The following TGM7 variants were observed in gnomAD, a reference collection of about 807,000 sequenced individuals.
The protein encoded by TGM7 is transglutaminase 7.
A neutral mutation model predicts 79.5 loss-of-function variants in TGM7; 74 were observed. The observed-to-expected ratio is 0.93, with a 90% CI of 0.77 to 1.13. The LOEUF (loss-of-function observed/expected upper bound fraction) is 1.13, where lower values mean the gene tolerates loss of function less well. Ranked by LOEUF, TGM7 falls within the 50% of genes most tolerant of loss-of-function variation. The probability of loss-of-function intolerance (pLI) is 0.00; values close to 1 mark genes in which losing one functional copy is unlikely to be tolerated. For synonymous variants in TGM7, 354 were observed against 362.5 expected, an observed-to-expected ratio of 0.98 and a Z score of 0.27; for missense variants, 912 against 905.9, an observed-to-expected ratio of 1.01 and a Z score of -0.09.
chr15:43,282,087 C>G lies in TGM7; in HGVS notation c.1109-1G>C, dbSNP rs757435223. 6.2e-7 allele frequency: 1 copy of G among 1,613,764 alleles called. No homozygotes were observed. The highest frequency in any genetic ancestry group is 1.1e-5 in the South Asian group (1 of 91,054). On this transcript the variant is annotated splice_acceptor_variant, in intron 8 of 12. Coordinates refer to ENST00000452443, the MANE Select transcript of TGM7 (RefSeq NM_052955.3). LOFTEE classifies it high-confidence loss of function. ...GAGGCAGGGCCACAGCAGAACAGCC[C>G]TGTGGAGGCAACAGGCTACTGATAT...
intron 1 of TGM7, among the ~76,000 whole-genome samples, chr15:43,296,399 TG>T (rs1312876365): frequency 1.6e-5 from 2 of 125,006 alleles, no homozygotes; most frequent in Admixed American, 1.0e-4. Context: ...CACTCCAGCC[TG>T]GGTGACAGAG....
At position 43,282,520 on chromosome 15, in the gene TGM7, T is replaced by G. The variant is rs143861603; in HGVS notation, c.1105A>C (p.Ser369Arg). The G allele has an allele frequency of 6.3e-7, 1 of 1,585,364 alleles. No homozygotes were observed. The highest frequency in any genetic ancestry group is 8.6e-7 in the Non-Finnish European group (1 of 1,164,544). Reference protein sequence around the residue: ...VLDPTPQQTSSGLFCCGPASV... With the variant: ...VLDPTPQQTSRGLFCCGPASV... ...TGTTGCAATGGTCCTCACTCACCAC[T>G]GCTGGTCTGCTGGGGAGTGGGGTCC... is the stretch of plus-strand genomic sequence containing the variant. The change falls in exon 8 of 13, where the codon AGT (serine) becomes CGT (arginine). Residue 369 changes from serine (S) to arginine (R), a missense_variant. Physicochemically the swap from Ser to Arg is moderately radical, Grantham distance 110 (BLOSUM62 -1). Transcript: ENST00000452443.
chr15:43,287,717 A>G (rs1233325869), intron 4 of TGM7, 48 bp from the exon 5 acceptor site: 1 of 1,571,044 alleles, frequency 6.4e-7, no homozygotes, highest in Admixed American at 1.9e-5. Flanking sequence ...AAATGTCTAG[A>G]CTTCTGAAAC....
chr15:43,284,753 G>C (rs878958157), intron 7 of TGM7, 61 bp downstream of exon 7: 1 of 1,581,090 alleles, frequency 6.3e-7, no homozygotes, highest in South Asian at 1.1e-5. Context: ...GAGAGAACCA[G>C]GTCAGTTTTT....
At chr15:43,298,739 G>A (rs1393995629) in intron 1 of TGM7, among the ~76,000 whole-genome samples, 2 of 152,082 alleles carry the variant, frequency 1.3e-5, no homozygotes, top group African/African-American at 4.8e-5. Flanking sequence ...GTGGCAGAGC[G>A]AGACTCCATC....
chr15:43,287,216 G>A lies in TGM7; in HGVS notation c.865+64C>T, dbSNP rs917656297. Reference sequence around the variant, plus strand: ...TGGGCAAGCTACTGAACCTTTATGAGCCACAGTTAACTTCTCTGATAATGA... The same window carrying A: ...TGGGCAAGCTACTGAACCTTTATGAACCACAGTTAACTTCTCTGATAATGA... On this transcript the variant is annotated intron_variant, in intron 6 of 12. Transcript: ENST00000452443. The A allele has an allele frequency of 1.9e-6, 3 of 1,538,722 alleles. No individual in the cohort carries two copies. In the African/African-American group the frequency reaches 4.1e-5, roughly 21 times the overall value.
chr15:43,281,724 A>G, intron 9 of TGM7, 120 bp downstream of exon 9: 1 of 1,466,688 alleles, frequency 6.8e-7, no homozygotes, highest in South Asian at 1.3e-5. Context: ...AAGGACCCCT[A>G]GGAGTTTGCC....
At chr15:43,290,371 T>C (rs952580692) in intron 4 of TGM7, among the ~76,000 whole-genome samples, 8 of 152,222 alleles carry the variant, frequency 5.3e-5, no homozygotes, top group Non-Finnish European at 1.2e-4. Context: ...GATCAGATGG[T>C]TGTAGATATG....
rs568169702 is a variant in TGM7, at chr15:43,286,321, C to T, written c.865+959G>A. ...GGAAATGGAGCAGGGTGGTGGACCT[C>T]GTCCTTCTCCTGCTCATCCCAGGCC... On this transcript the variant is annotated intron_variant, in intron 6 of 12. Coordinates refer to ENST00000452443, the MANE Select transcript of TGM7 (RefSeq NM_052955.3). Among the ~76,000 whole-genome samples, 97 of 152,242 alleles carry T rather than the reference C, an allele frequency of 6.4e-4. 2 individuals carry two copies. The South Asian group carries it at 0.02, about 31-fold the overall frequency.
At chr15:43,298,046 G>A (rs1340388551) in intron 1 of TGM7, among the ~76,000 whole-genome samples, 1 of 152,198 alleles carries the variant, frequency 6.6e-6, no homozygotes. Flanking sequence ...CATTTTACAT[G>A]TCTGAAAGAA....
chr15:43,302,233 G>C lies in TGM7; in HGVS notation c.10+8C>G. 1 of 1,614,106 alleles carries C rather than the reference G, an allele frequency of 6.2e-7. No individual in the cohort carries two copies. Among genetic ancestry groups the C allele is most frequent in the African/African-American group, 1.3e-5 (1 of 75,018 alleles). On this transcript the variant is annotated splice_region_variant and intron_variant, in intron 1 of 12. Transcript: ENST00000452443. Reference sequence around the variant, plus strand: ...CTCCGAAAAGGTAAGTCGATTCCCAGTACTCACCCTGATCCATCTCCCTCC... The same window carrying C: ...CTCCGAAAAGGTAAGTCGATTCCCACTACTCACCCTGATCCATCTCCCTCC...
intron 4 of TGM7, among the ~76,000 whole-genome samples, chr15:43,289,550 A>G (rs544967717): frequency 6.6e-6 from 1 of 152,288 alleles, no homozygotes; most frequent in South Asian, 2.1e-4. Flanking sequence ...TTATAGCAGC[A>G]TGATTTATAA....
chr15:43,281,988 C>A lies in TGM7; in HGVS notation c.1207G>T (p.Asp403Tyr), dbSNP rs768719413. 1.9e-6 allele frequency: 3 copies of A among 1,614,160 alleles called. No homozygotes were observed. The highest frequency in any genetic ancestry group is 1.7e-6 in the Non-Finnish European group (2 of 1,180,024). Residue 403 changes from aspartate (D) to tyrosine (Y), a missense_variant, in exon 9 of 13, where the codon GAT becomes TAT. Physicochemically the swap from Asp to Tyr is radical, Grantham distance 160. Coordinates refer to ENST00000452443, the MANE Select transcript of TGM7 (RefSeq NM_052955.3). The part of the protein sequence containing the change: ...TPFVYAEVNA[D>Y]EVIWLLGDGQ... ...TCCCCAAGGAGCCAAATGACTTCAT[C>A]GGCGTTCACCTCGGCATACACAAAA... is the stretch of plus-strand genomic sequence containing the variant.
At chr15:43,286,478 C>T (rs996860891) in intron 6 of TGM7, among the ~76,000 whole-genome samples, 5 of 152,138 alleles carry the variant, frequency 3.3e-5, no homozygotes, top group African/African-American at 1.2e-4. Context: ...TTCAAACACT[C>T]AGATTTAAAC....
chr15:43,279,377 G>A (rs998191635), intron 10 of TGM7, 100 bp from the exon 11 acceptor site: 4 of 1,358,814 alleles, frequency 2.9e-6, no homozygotes, highest in South Asian at 2.7e-5. Flanking sequence ...TCACGTGAGA[G>A]GTAAAAGTGT....
At chr15:43,298,396 T>C (rs1218063536) in intron 1 of TGM7, among the ~76,000 whole-genome samples, 1 of 152,142 alleles carries the variant, frequency 6.6e-6, no homozygotes, top group Non-Finnish European at 1.5e-5. Context: ...CATGGGTAGA[T>C]CTAGCCCTGA....
intron 3 of TGM7, 63 bp from the exon 4 acceptor site, chr15:43,292,160 A>T: frequency 8.8e-7 from 1 of 1,137,348 alleles, no homozygotes; most frequent in Non-Finnish European, 1.3e-6. Flanking sequence ...GTATTAAATT[A>T]AAAAACAGTA....
chr15:43,281,365 T>C (rs1168408625), intron 9 of TGM7, among the ~76,000 whole-genome samples: 1 of 152,100 alleles, frequency 6.6e-6, no homozygotes, highest in African/African-American at 2.4e-5. Context: ...ACTCCACCGC[T>C]CCCCTTGCCA....
chr15:43,292,524 A>C (rs1025024252), intron 3 of TGM7, among the ~76,000 whole-genome samples, 185 bp downstream of exon 3: 2 of 152,242 alleles, frequency 1.3e-5, no homozygotes, highest in African/African-American at 4.8e-5. Context: ...GTTTTCACTT[A>C]ACATCACGTC....
Sources: allele counts gnomAD v4.1 joint callset (sites outside exome capture counted in the v4.1 genomes callset), GRCh38; gene constraint gnomAD v4.1.1; transcripts MANE v1.5; gene names NCBI Gene and HGNC (gene_info 2026-07-23, HGNC 2026-07-21).